Variants in CA10 observed in about 807,000 individuals in gnomAD.
CA10 encodes carbonic anhydrase 10 (inactive).
CA10 carries 14 observed loss-of-function variants against 44.2 expected under a neutral mutation model. The observed-to-expected ratio is 0.32, with a 90% CI of 0.21 to 0.50. CA10 has a LOEUF of 0.50. CA10 is among the 20% of genes least tolerant of loss of function. The probability of loss-of-function intolerance (pLI) is 0.99; values close to 1 mark genes in which losing one functional copy is unlikely to be tolerated. For synonymous variants in CA10, 159 were observed against 141.6 expected (o/e 1.12, Z -0.87); for missense variants, 350 against 409.7 (o/e 0.85, Z 1.26).
At chr17:51,662,647 A>G (rs1914049711) in intron 4 of CA10, among the ~76,000 whole-genome samples, 1 of 152,208 alleles carries the variant, frequency 6.6e-6, no homozygotes, top group Non-Finnish European at 1.5e-5. Flanking sequence ...AGAAGAACAC[A>G]GTTTGATGTT....
chr17:51,823,496 A>G (rs1372929931), intron 3 of CA10, among the ~76,000 whole-genome samples: 2 of 152,200 alleles, frequency 1.3e-5, no homozygotes, highest in Non-Finnish European at 1.5e-5. Flanking sequence ...TCTCTTCTGC[A>G]TATCTGGGTT....
intron 4 of CA10, among the ~76,000 whole-genome samples, chr17:51,670,653 AGGTGCTTGT>A (rs1270946376): frequency 2.6e-5 from 4 of 152,170 alleles, no homozygotes; most frequent in Admixed American, 1.3e-4. Flanking sequence ...CCAAGTTTCC[AGGTGCTTGT>A]CTCTTATATC....
intron 4 of CA10, among the ~76,000 whole-genome samples, chr17:51,694,063 G>A (rs888145918): frequency 6.6e-6 from 1 of 152,074 alleles, no homozygotes; most frequent in Non-Finnish European, 1.5e-5. Flanking sequence ...AATTAGCTAG[G>A]CGTGGTGGTG....
At chr17:51,747,959 C>T in intron 3 of CA10, 141 bp from the exon 4 acceptor site, 2 of 613,964 alleles carry the variant, frequency 3.3e-6, no homozygotes, top group Non-Finnish European at 5.8e-6. Flanking sequence ...TAGGGCGTGG[C>T]AGCTGCCCCA....
intron 3 of CA10, among the ~76,000 whole-genome samples, chr17:51,750,983 G>A (rs1252258247): frequency 6.6e-6 from 1 of 152,144 alleles, no homozygotes; most frequent in Non-Finnish European, 1.5e-5. Flanking sequence ...GAAAAATCAG[G>A]GGCCCTGGAG....
At chr17:51,858,053 CTA>C (rs1979132142) in intron 3 of CA10, among the ~76,000 whole-genome samples, 1 of 151,974 alleles carries the variant, frequency 6.6e-6, no homozygotes, top group East Asian at 1.9e-4. Flanking sequence ...GCAACTATAA[CTA>C]TATTATTATG....
intron 3 of CA10, among the ~76,000 whole-genome samples, chr17:51,875,121 A>C (rs1408846616): frequency 6.6e-6 from 1 of 151,932 alleles, no homozygotes; most frequent in Non-Finnish European, 1.5e-5. Context: ...CTACAGGTGT[A>C]AGACACCACC....
chr17:51,682,993 C>T (rs943526605), intron 4 of CA10, among the ~76,000 whole-genome samples: 3 of 152,220 alleles, frequency 2.0e-5, no homozygotes, highest in Non-Finnish European at 4.4e-5. Flanking sequence ...CTTGGACCTA[C>T]TGAATCCTAC....
chr17:52,117,538 G>A (rs1033881737), intron 1 of CA10, among the ~76,000 whole-genome samples: 3 of 152,136 alleles, frequency 2.0e-5, no homozygotes, highest in African/African-American at 7.2e-5. Context: ...TTCTGTCTGT[G>A]TAGTTATATA....
intron 2 of CA10, among the ~76,000 whole-genome samples, chr17:51,936,690 A>T (rs1045945169): frequency 1.7e-5 from 2 of 119,966 alleles, no homozygotes; most frequent in Admixed American, 1.9e-4. Flanking sequence ...ATTTTACTCC[A>T]AGTTAATAGA....
intron 2 of CA10, among the ~76,000 whole-genome samples, chr17:52,049,086 A>G (rs1298518564): frequency 1.3e-5 from 2 of 152,110 alleles, no homozygotes; most frequent in Non-Finnish European, 2.9e-5. Context: ...GAGTTTGAGC[A>G]ATATTGACTT....
chr17:52,004,371 C>T (rs1043933300), intron 2 of CA10, among the ~76,000 whole-genome samples: 1 of 151,816 alleles, frequency 6.6e-6, no homozygotes, highest in Non-Finnish European at 1.5e-5. Flanking sequence ...GAGAGAAGTA[C>T]CTACCTATTT....
At chr17:52,114,690 G>T (rs897946328) in intron 1 of CA10, among the ~76,000 whole-genome samples, 1 of 152,192 alleles carries the variant, frequency 6.6e-6, no homozygotes, top group African/African-American at 2.4e-5. Flanking sequence ...GCTATAACAA[G>T]TTGGAGTTTA....
At chr17:52,015,661 CAG>C (rs1985944701) in intron 2 of CA10, among the ~76,000 whole-genome samples, 1 of 152,070 alleles carries the variant, frequency 6.6e-6, no homozygotes, top group Admixed American at 6.6e-5. Context: ...TTCTTTGTGT[CAG>C]AGACTTCCTT....
At chr17:51,836,760 T>C (rs781109765) in intron 3 of CA10, among the ~76,000 whole-genome samples, 5 of 152,150 alleles carry the variant, frequency 3.3e-5, no homozygotes, top group East Asian at 1.9e-4. Flanking sequence ...TTGAATGTTA[T>C]AAAACTGTGA....
intron 2 of CA10, among the ~76,000 whole-genome samples, chr17:51,975,121 A>T (rs1984417712): frequency 6.6e-6 from 1 of 152,202 alleles, no homozygotes; most frequent in African/African-American, 2.4e-5. Flanking sequence ...TAACCTAAAA[A>T]GGCATGGCAA....
At chr17:51,846,696 A>G (rs964352521) in intron 3 of CA10, among the ~76,000 whole-genome samples, 6 of 152,242 alleles carry the variant, frequency 3.9e-5, no homozygotes, top group East Asian at 1.9e-4. Context: ...TGGAATTTTG[A>G]TAAAAATGAC....
intron 3 of CA10, among the ~76,000 whole-genome samples, chr17:51,830,022 C>A (rs1908174251): frequency 6.6e-6 from 1 of 151,744 alleles, no homozygotes. Flanking sequence ...TATGGTGAAA[C>A]CCCATCTCTA....
intron 2 of CA10, among the ~76,000 whole-genome samples, chr17:51,973,637 T>C (rs770485224): frequency 2.6e-5 from 4 of 152,110 alleles, no homozygotes; most frequent in Non-Finnish European, 5.9e-5. Context: ...AAATTGCAAA[T>C]AAAGAATAGG....
Sources: gnomAD v4.1 joint callset for allele counts (sites outside exome capture counted in the v4.1 genomes callset) on GRCh38, gnomAD v4.1.1 for gene constraint, MANE v1.5 for transcripts, NCBI Gene and HGNC (gene_info 2026-07-23, HGNC 2026-07-21) for gene names.